The following SPMAP2L variants were observed in gnomAD, a reference collection of about 807,000 sequenced individuals.
The protein encoded by SPMAP2L is sperm microtubule associated protein 2-like.
chr4:56,572,098 C>T, the SPMAP2L span, among the ~76,000 whole-genome samples: 1 of 151,950 alleles, frequency 6.6e-6, no homozygotes, highest in Non-Finnish European at 1.5e-5. Context: ...ATACATAAAC[C>T]CGTAACATGT....
At chr4:56,547,695 C>G in the SPMAP2L span, among the ~76,000 whole-genome samples, 1 of 152,154 alleles carries the variant, frequency 6.6e-6, no homozygotes, top group African/African-American at 2.4e-5. Context: ...CTGTAGCGCA[C>G]CCACTTTTCT....
At chr4:56,613,919 T>C in the SPMAP2L span, among the ~76,000 whole-genome samples, 6 of 152,198 alleles carry the variant, frequency 3.9e-5, no homozygotes, top group Admixed American at 6.5e-5. Flanking sequence ...ACCTGTAAAA[T>C]GGAAAGACGA....
the SPMAP2L span, chr4:56,593,063 A>G: frequency 6.3e-6 from 10 of 1,585,736 alleles, no homozygotes; most frequent in Non-Finnish European, 8.7e-6. Context: ...CTATATTGGC[A>G]TGGGCTATTG....
the SPMAP2L span, among the ~76,000 whole-genome samples, chr4:56,577,758 A>G: frequency 6.6e-6 from 1 of 152,180 alleles, no homozygotes; most frequent in Non-Finnish European, 1.5e-5. Context: ...AATAATAAAG[A>G]AAGTATTTCA....
At chr4:56,605,741 A>C in the SPMAP2L span, among the ~76,000 whole-genome samples, 1 of 151,984 alleles carries the variant, frequency 6.6e-6, no homozygotes, top group Admixed American at 6.5e-5. Context: ...AGCATTTCAA[A>C]GGAGCCCAAT....
chr4:56,621,378 G>T, the SPMAP2L span, among the ~76,000 whole-genome samples: 1 of 152,120 alleles, frequency 6.6e-6, no homozygotes, highest in South Asian at 2.1e-4. Flanking sequence ...GAAGAAAAAT[G>T]ACCCTCTCTG....
At chr4:56,565,113 A>C in the SPMAP2L span, among the ~76,000 whole-genome samples, 1 of 152,220 alleles carries the variant, frequency 6.6e-6, no homozygotes. Flanking sequence ...TTCGGTGTGC[A>C]CTTGCAAAGG....
chr4:56,622,437 C>CTCTT, the SPMAP2L span, among the ~76,000 whole-genome samples: 2 of 152,240 alleles, frequency 1.3e-5, no homozygotes, highest in Admixed American at 1.3e-4. Context: ...ATCTATTTCA[C>CTCTT]TCTTTATAGG....
the SPMAP2L span, among the ~76,000 whole-genome samples, chr4:56,573,356 T>C: frequency 5.9e-5 from 9 of 152,190 alleles, no homozygotes; most frequent in Non-Finnish European, 1.3e-4. Flanking sequence ...AGTATTATGG[T>C]CAGTACAGAT....
the SPMAP2L span, chr4:56,557,635 A>G: frequency 3.3e-5 from 5 of 152,322 alleles, no homozygotes; most frequent in African/African-American, 1.2e-4. Flanking sequence ...GCTGTGCAGA[A>G]TGGGGTGATT....
chr4:56,603,144 G>A, the SPMAP2L span: 1 of 1,183,250 alleles, frequency 8.5e-7, no homozygotes, highest in Non-Finnish European at 1.2e-6. Context: ...GTGGATGCTT[G>A]AGAAACATTA....
the SPMAP2L span, among the ~76,000 whole-genome samples, chr4:56,604,442 G>A: frequency 1.3e-5 from 2 of 152,002 alleles, no homozygotes; most frequent in South Asian, 4.2e-4. Context: ...GATGGATCAC[G>A]AGGTCAGGGG....
the SPMAP2L span, chr4:56,559,580 C>A: frequency 1.4e-6 from 2 of 1,403,578 alleles, no homozygotes; most frequent in Non-Finnish European, 1.9e-6. Context: ...TTGTTTTTTG[C>A]TTTTTGAGAC....
chr4:56,557,535 C>A, the SPMAP2L span, among the ~76,000 whole-genome samples: 21,193 of 152,046 alleles, frequency 0.14, 1,575 homozygotes, highest in East Asian at 0.2. Context: ...AGAGATTATA[C>A]GAATTTCAGA....
chr4:56,570,319 T>A, the SPMAP2L span, among the ~76,000 whole-genome samples: 4 of 152,212 alleles, frequency 2.6e-5, no homozygotes, highest in Non-Finnish European at 2.9e-5. Flanking sequence ...AGGGCTATGT[T>A]CTAAGAAATG....
the SPMAP2L span, among the ~76,000 whole-genome samples, chr4:56,599,615 C>T: frequency 2.0e-5 from 3 of 152,160 alleles, no homozygotes; most frequent in African/African-American, 7.2e-5. Flanking sequence ...CATGCATTCT[C>T]ATTGTTCAAC....
the SPMAP2L span, among the ~76,000 whole-genome samples, chr4:56,613,318 T>A: frequency 3.3e-5 from 5 of 152,278 alleles, no homozygotes; most frequent in South Asian, 1.0e-3. Flanking sequence ...TACCAAGGTG[T>A]GGTCTGCTAG....
At chr4:56,601,654 T>C in the SPMAP2L span, among the ~76,000 whole-genome samples, 3 of 152,014 alleles carry the variant, frequency 2.0e-5, no homozygotes, top group Non-Finnish European at 4.4e-5. Flanking sequence ...TCTAGCAACT[T>C]GGGAGGCTGA....
the SPMAP2L span, among the ~76,000 whole-genome samples, chr4:56,566,912 G>T: frequency 6.6e-6 from 1 of 151,552 alleles, no homozygotes; most frequent in Non-Finnish European, 1.5e-5. Context: ...GGTGAGGCTG[G>T]TCTCAGACTC....
Sources: allele counts gnomAD v4.1 joint callset (sites outside exome capture counted in the v4.1 genomes callset), GRCh38; gene constraint gnomAD v4.1.1; transcripts MANE v1.5; gene names NCBI Gene and HGNC (gene_info 2026-07-23, HGNC 2026-07-21).